Variants in SLC26A4 observed in about 807,000 individuals in gnomAD.
SLC26A4 encodes solute carrier family 26 member 4.
Under a neutral mutation model 90.4 loss-of-function variants are expected in SLC26A4, and 93 were observed. That is an observed-to-expected ratio of 1.03 (90% CI 0.87 to 1.22). The LOEUF is 1.22. SLC26A4 is among the 50% of genes most tolerant of loss of function. The probability of loss-of-function intolerance (pLI) is 0.00; values close to 1 mark genes in which losing one functional copy is unlikely to be tolerated. For synonymous variants in SLC26A4, 393 were observed against 354.6 expected, an observed-to-expected ratio of 1.11 and a Z score of -1.22; for missense variants, 1,127 against 946.2, an observed-to-expected ratio of 1.19 and a Z score of -2.51.
At chr7:107,686,290 TCCTACCTTCCCTCCCTTC>T (rs1283017453) in intron 8 of SLC26A4, among the ~76,000 whole-genome samples, 20 of 94,706 alleles carry the variant, frequency 2.1e-4, no homozygotes, top group African/African-American at 7.9e-4. Context: ...TCCCTCCCTT[TCCTACCTTCCCTCCCTTC>T]CCTCCCTTCC....
intron 18 of SLC26A4, among the ~76,000 whole-genome samples, chr7:107,709,569 C>T (rs1792124587): frequency 6.6e-6 from 1 of 152,138 alleles, no homozygotes; most frequent in Non-Finnish European, 1.5e-5. Context: ...GACACAGCTC[C>T]CAACGGGCAA....
chr7:107,712,553 G>A lies in SLC26A4; in HGVS notation c.2250G>A (p.Gln750=). ...GSILETITLI[Q]DCKDTLELIE... ...TCTTTTTCAAGATCACTCTCATTCA[G>A]GATTGTAAAGATACCCTTGAATTAA... The change falls in exon 20 of 21, where the codon CAG becomes CAA. Residue 750 remains glutamine, a synonymous_variant. Transcript: ENST00000644269. 4 of 1,570,386 alleles carry A rather than the reference G, an allele frequency of 2.5e-6. No individual in the cohort carries two copies. The highest frequency in any genetic ancestry group is 2.2e-5 in the South Asian group (2 of 90,136).
intron 3 of SLC26A4, among the ~76,000 whole-genome samples, chr7:107,664,274 G>C (rs1032455579): frequency 3.3e-5 from 5 of 151,968 alleles, no homozygotes; most frequent in African/African-American, 1.2e-4. Context: ...CTGTCACCCA[G>C]GCTGGTGTGC....
rs764791809 is a variant in SLC26A4, at chr7:107,712,620, G to A, written c.2317G>A (p.Glu773Lys). ...GGAAGAAGAACTTGATGTCCAGGAT[G>A]AGGTATGATCATTTTCTTCTGAAGA... is the stretch of plus-strand genomic sequence containing the variant. ...LTEEELDVQD[E>K]AMRTLAS is the part of the protein sequence containing the mutation. The change falls in exon 20 of 21, where the codon GAG becomes AAG. Residue 773 changes from glutamate (E) to lysine (K), a missense_variant and splice_region_variant. Glu to Lys is a moderately conservative substitution (Grantham distance 56). Coordinates refer to ENST00000644269, the MANE Select transcript of SLC26A4 (RefSeq NM_000441.2). 6.7e-7 allele frequency: 1 copy of A among 1,503,268 alleles called. No individual in the cohort carries two copies. The highest frequency in any genetic ancestry group is 2.3e-5 in the East Asian group (1 of 44,334). 93.1% of individuals were successfully genotyped at this position (1,503,268 alleles called of 1,614,324 possible). A position where few individuals can be genotyped will look rare whatever the true frequency, so the allele number is the denominator to read the frequency against.
chr7:107,690,563 G>T (rs1791539894), intron 10 of SLC26A4, among the ~76,000 whole-genome samples: 1 of 152,122 alleles, frequency 6.6e-6, no homozygotes, highest in Admixed American at 6.5e-5. Flanking sequence ...TGTTACCTGG[G>T]GAGACAGATG....
chr7:107,672,180 G>T lies in SLC26A4; in HGVS notation c.347G>T (p.Gly116Val), dbSNP rs2129311246. The T allele has an allele frequency of 1.2e-6, 2 of 1,613,162 alleles. No homozygotes were observed. Among genetic ancestry groups the T allele is most frequent in the Non-Finnish European group, 1.7e-6 (2 of 1,179,302 alleles). ...CTAGCTGCAGTTCCTGTCGGATATG[G>T]TCTCTACTCTGCTTTTTTCCCTATC... The part of the protein sequence containing the change: ...ALLAAVPVGY[G>V]LYSAFFPILT... The change falls in exon 4 of 21, where the codon GGT (glycine) becomes GTT (valine). Residue 116 changes from glycine to valine, a missense_variant. By Grantham distance (109) the Gly-to-Val change is moderately radical. Transcript: ENST00000644269.
intron 6 of SLC26A4, among the ~76,000 whole-genome samples, chr7:107,681,105 C>T (rs955760676): frequency 2.6e-5 from 4 of 152,128 alleles, no homozygotes; most frequent in Non-Finnish European, 4.4e-5. Context: ...CTGTCCCTGG[C>T]ATCATCTTGT....
rs371476559 is a variant in SLC26A4, at chr7:107,704,345, C to G, written c.2049C>G (p.Phe683Leu). The G allele has an allele frequency of 1.4e-6, 2 of 1,386,584 alleles. No individual in the cohort carries two copies. The highest frequency in any genetic ancestry group is 1.7e-5 in the Admixed American group (1 of 58,758). The allele number at this position is 1,386,584 out of a possible 1,614,324, so 85.9% of individuals were successfully genotyped here. ...VRSLRVIVKEFQRIDVNVYFA... is the reference protein window; with the variant it reads ...VRSLRVIVKELQRIDVNVYFA... ...TTTATTTTTAGATTGTCAAAGAATTCCAAAGAATTGATGTGAATGTGTATT... is the reference window on the plus strand; with the variant it reads ...TTTATTTTTAGATTGTCAAAGAATTGCAAAGAATTGATGTGAATGTGTATT... Residue 683 changes from phenylalanine to leucine, a missense_variant, in exon 18 of 21, where the codon TTC becomes TTG. Transcript: ENST00000644269.
chr7:107,695,608 G>T (rs1173282952), intron 12 of SLC26A4, among the ~76,000 whole-genome samples: 1 of 152,112 alleles, frequency 6.6e-6, no homozygotes, highest in Non-Finnish European at 1.5e-5. Context: ...TTTGAGACCA[G>T]CCTGCGTAAC....
chr7:107,675,359 T>G (rs1018503499), intron 6 of SLC26A4, among the ~76,000 whole-genome samples: 4 of 149,816 alleles, frequency 2.7e-5, no homozygotes, highest in African/African-American at 9.8e-5. Flanking sequence ...ATCCGAAAAT[T>G]TGCTGGGTGT....
At chr7:107,680,097 TC>T in intron 6 of SLC26A4, among the ~76,000 whole-genome samples, 1 of 93,670 alleles carries the variant, frequency 1.1e-5, no homozygotes, top group Non-Finnish European at 2.0e-5. Context: ...TATTATATAA[TC>T]TTATCTTATT....
intron 18 of SLC26A4, among the ~76,000 whole-genome samples, chr7:107,708,845 ATGT>A (rs1021874657): frequency 3.8e-4 from 58 of 151,538 alleles, no homozygotes; most frequent in African/African-American, 1.4e-3. Context: ...CAATGGGGGG[ATGT>A]TGTTATGAGG....
chr7:107,674,679 T>G lies in SLC26A4; in HGVS notation c.601-266T>G, dbSNP rs3817613. Among the ~76,000 whole-genome samples, 109,197 of 152,096 alleles carry G rather than the reference T, an allele frequency of 0.72. 40,655 individuals carry two copies. Among genetic ancestry groups the G allele is most frequent in the African/African-American group, 0.93 (38,537 of 41,536 alleles). On this transcript the variant is annotated intron_variant, in intron 5 of 20. Coordinates refer to ENST00000644269, the MANE Select transcript of SLC26A4 (RefSeq NM_000441.2). ...CGGAGACACAGGACCGAAAGCCACA[T>G]AAATAAGCTCTGGGTTTTTGCTTTT... is the stretch of plus-strand genomic sequence containing the variant.
chr7:107,670,455 G>C (rs949847368), intron 3 of SLC26A4, among the ~76,000 whole-genome samples: 2 of 151,950 alleles, frequency 1.3e-5, no homozygotes, highest in African/African-American at 4.8e-5. Context: ...GAGTGGGAGT[G>C]TATTTTTTAC....
intron 13 of SLC26A4, 71 bp downstream of exon 13, chr7:107,696,110 TA>T (rs756210994): frequency 1.0e-5 from 9 of 897,446 alleles, no homozygotes; most frequent in South Asian, 5.2e-5. Flanking sequence ...ACCATTTTGA[TA>T]AATATAGTGA....
intron 3 of SLC26A4, among the ~76,000 whole-genome samples, chr7:107,664,462 C>T (rs1200504550): frequency 6.6e-6 from 1 of 151,938 alleles, no homozygotes. Context: ...GAACTCCTAA[C>T]CTCAAGTGAT....
At chr7:107,701,302 T>C in intron 16 of SLC26A4, 106 bp downstream of exon 16, 2 of 753,706 alleles carry the variant, frequency 2.7e-6, no homozygotes, top group Non-Finnish European at 2.4e-6. Flanking sequence ...CAGATGTGAA[T>C]GAACAAATGA....
intron 10 of SLC26A4, chr7:107,693,062 A>C: frequency 6.5e-6 from 1 of 153,396 alleles, no homozygotes; most frequent in Non-Finnish European, 1.4e-5. Flanking sequence ...GTGGCTCGGT[A>C]AATACTGGTT....
chr7:107,697,215 G>A (rs1350477672), intron 13 of SLC26A4, among the ~76,000 whole-genome samples: 1 of 152,148 alleles, frequency 6.6e-6, no homozygotes, highest in Non-Finnish European at 1.5e-5. Context: ...TGGAAAAGAA[G>A]GGTTTTACAG....
Sources: allele counts gnomAD v4.1 joint callset (sites outside exome capture counted in the v4.1 genomes callset), GRCh38; gene constraint gnomAD v4.1.1; transcripts MANE v1.5; gene names NCBI Gene and HGNC (gene_info 2026-07-23, HGNC 2026-07-21).